CDH1: variants seen among roughly 807,000 people sequenced by gnomAD.
CDH1 encodes the protein cadherin 1, also known as cadherin-1.
A neutral mutation model predicts 84.5 loss-of-function variants in CDH1; 35 were observed. The observed-to-expected ratio is 0.41, with a 90% CI of 0.32 to 0.55. CDH1 has a LOEUF of 0.55. Ranked by LOEUF, CDH1 falls within the 20% of genes least tolerant of loss-of-function variation. The pLI is 0.19. For missense variants in CDH1, 994 were observed against 1,126.6 expected, an observed-to-expected ratio of 0.88 and a Z score of 1.68; for synonymous variants, 417 against 439.0, an observed-to-expected ratio of 0.95 and a Z score of 0.63.
intron 8 of CDH1, among the ~76,000 whole-genome samples, chr16:68,812,855 C>T (rs370418065): frequency 3.3e-5 from 5 of 152,248 alleles, no homozygotes; most frequent in South Asian, 2.1e-4. Flanking sequence ...GCCTGGCCAA[C>T]GTGGCGAAAC....
chr16:68,771,924 C>T (rs957805389), intron 2 of CDH1, among the ~76,000 whole-genome samples: 2 of 152,064 alleles, frequency 1.3e-5, no homozygotes, highest in Non-Finnish European at 2.9e-5. Context: ...AAGGGCTTTA[C>T]GTGGATTAAC....
chr16:68,756,147 T>TG (rs1348121615), intron 2 of CDH1, among the ~76,000 whole-genome samples: 1 of 151,856 alleles, frequency 6.6e-6, no homozygotes, highest in African/African-American at 2.4e-5. Context: ...TTTTTTTTTT[T>TG]TGTGCATGTA....
intron 2 of CDH1, among the ~76,000 whole-genome samples, chr16:68,744,951 G>T (rs1329068374): frequency 1.3e-5 from 2 of 152,306 alleles, no homozygotes; most frequent in African/African-American, 4.8e-5. Flanking sequence ...TAAGCAAACA[G>T]TGCACTGCAA....
intron 11 of CDH1, 66 bp from the exon 12 acceptor site, chr16:68,821,935 G>A: frequency 1.6e-6 from 2 of 1,250,746 alleles, no homozygotes; most frequent in South Asian, 1.2e-5. Flanking sequence ...GACTTGGTCT[G>A]GTGGAAGGCA....
At chr16:68,767,287 C>T (rs374161965) in intron 2 of CDH1, among the ~76,000 whole-genome samples, 10 of 151,442 alleles carry the variant, frequency 6.6e-5, no homozygotes, top group Non-Finnish European at 1.2e-4. Flanking sequence ...CTCTACCTCC[C>T]GGGCTCAAGC....
intron 11 of CDH1, among the ~76,000 whole-genome samples, chr16:68,821,550 A>G (rs2152137899): frequency 6.6e-6 from 1 of 152,174 alleles, no homozygotes; most frequent in South Asian, 2.1e-4. Flanking sequence ...GACCCAACTC[A>G]TCCCCTTTGA....
At chr16:68,764,639 A>G (rs1275227522) in intron 2 of CDH1, among the ~76,000 whole-genome samples, 2 of 152,232 alleles carry the variant, frequency 1.3e-5, no homozygotes, top group East Asian at 1.9e-4. Context: ...AGGGAAATGA[A>G]GTTAAGGCCT....
At chr16:68,785,082 T>G (rs1960006650) in intron 2 of CDH1, among the ~76,000 whole-genome samples, 1 of 152,182 alleles carries the variant, frequency 6.6e-6, no homozygotes, top group Admixed American at 6.5e-5. Flanking sequence ...CTGTCTCCCT[T>G]TGTTCTAATA....
chr16:68,768,456 A>G (rs970712814), intron 2 of CDH1, among the ~76,000 whole-genome samples: 1 of 152,230 alleles, frequency 6.6e-6, no homozygotes, highest in African/African-American at 2.4e-5. Context: ...TCTTACCTTC[A>G]TGTGATTTTG....
intron 2 of CDH1, among the ~76,000 whole-genome samples, chr16:68,758,393 C>A (rs1021118322): frequency 1.3e-5 from 2 of 151,622 alleles, no homozygotes; most frequent in African/African-American, 2.4e-5. Context: ...GTGCGAAGTG[C>A]TTCCAGTGCC....
chr16:68,819,634 G>A lies in CDH1; in HGVS notation c.1711+209G>A, dbSNP rs33974436. ...TAAAGTCAGGGCTTTTAGGGTATCCGTCACCCAAATAACATGCATTGTACC... is the reference window on the plus strand; with the variant it reads ...TAAAGTCAGGGCTTTTAGGGTATCCATCACCCAAATAACATGCATTGTACC... On this transcript the variant is annotated intron_variant, in intron 11 of 15. Coordinates refer to ENST00000261769, the MANE Select transcript of CDH1 (RefSeq NM_004360.5). 0.091 allele frequency among the ~76,000 whole-genome samples: 13,783 copies of A among 152,018 alleles called. 780 individuals carry two copies. The highest frequency in any genetic ancestry group is 0.13 in the Non-Finnish European group (8,898 of 67,966).
At chr16:68,793,507 T>A (rs1960267516) in intron 2 of CDH1, among the ~76,000 whole-genome samples, 1 of 152,130 alleles carries the variant, frequency 6.6e-6, no homozygotes, top group Non-Finnish European at 1.5e-5. Context: ...GCCTGGTGAG[T>A]CCTGGCGGCT....
At chr16:68,792,310 A>C (rs1597878355) in intron 2 of CDH1, among the ~76,000 whole-genome samples, 1 of 150,626 alleles carries the variant, frequency 6.6e-6, no homozygotes, top group African/African-American at 2.5e-5. Context: ...ACTCACTGCA[A>C]CCTCCGCCTC....
At chr16:68,824,947 A>T (rs1596967594) in intron 13 of CDH1, among the ~76,000 whole-genome samples, 1 of 152,214 alleles carries the variant, frequency 6.6e-6, no homozygotes, top group African/African-American at 2.4e-5. Flanking sequence ...TGATTATCAC[A>T]GCAAATGAGA....
chr16:68,821,680 A>G (rs1352387439), intron 11 of CDH1, among the ~76,000 whole-genome samples: 1 of 152,186 alleles, frequency 6.6e-6, no homozygotes, highest in Non-Finnish European at 1.5e-5. Context: ...CAGGCAGGCA[A>G]TAGGACTTCT....
chr16:68,820,291 A>G (rs549885882), intron 11 of CDH1, among the ~76,000 whole-genome samples: 29 of 152,048 alleles, frequency 1.9e-4, no homozygotes, highest in Non-Finnish European at 4.1e-4. Context: ...GAACCAGGTA[A>G]TGATGGTTTA....
Position 68,801,719 on chromosome 16 carries a change from C to A in CDH1, c.213C>A (p.Leu71=), listed in dbSNP as rs376667778. Residue 71 remains leucine (L), a synonymous_variant, in exon 3 of 16, where the codon CTC becomes CTA. Transcript: ENST00000261769. ...GACAAAGGACAGCCTATTTTTCCCT[C>A]GACACCCGATTCAAAGTGGGCACAG... The part of the protein sequence containing the change: ...TGRQRTAYFS[L]DTRFKVGTDG... The A allele has an allele frequency of 6.2e-7, 1 of 1,614,130 alleles. No homozygotes were observed. Among genetic ancestry groups the A allele is most frequent in the South Asian group, 1.1e-5 (1 of 91,076 alleles).
chr16:68,792,194 T>C (rs1021641305), intron 2 of CDH1, among the ~76,000 whole-genome samples: 1 of 150,252 alleles, frequency 6.7e-6, no homozygotes, highest in African/African-American at 2.5e-5. Context: ...GTGCTGTGAT[T>C]ACAGGCATGA....
chr16:68,782,053 C>T (rs1215309575), intron 2 of CDH1, among the ~76,000 whole-genome samples: 1 of 152,196 alleles, frequency 6.6e-6, no homozygotes, highest in Non-Finnish European at 1.5e-5. Flanking sequence ...GTGTGGGCAG[C>T]TGCTGTTCCC....
Sources: gnomAD v4.1 joint callset for allele counts (sites outside exome capture counted in the v4.1 genomes callset) on GRCh38, gnomAD v4.1.1 for gene constraint, MANE v1.5 for transcripts, NCBI Gene and HGNC (gene_info 2026-07-23, HGNC 2026-07-21) for gene names.